The following LDB2 variants were observed in gnomAD, a reference collection of about 807,000 sequenced individuals.
LDB2 encodes the protein LIM domain-binding protein 2.
Under a neutral mutation model 44.3 loss-of-function variants are expected in LDB2, and 12 were observed. The ratio of observed to expected loss-of-function variants is 0.27; its 90% CI spans 0.17 to 0.44. The LOEUF (loss-of-function observed/expected upper bound fraction) is 0.44. Among genes scored for constraint, LDB2 ranks in the 20% least tolerant of loss-of-function variants. The probability of loss-of-function intolerance (pLI) is 1.00; values close to 1 mark genes in which losing one functional copy is unlikely to be tolerated. For synonymous variants in LDB2, 164 were observed against 174.8 expected, an observed-to-expected ratio of 0.94 and a Z score of 0.49; for missense variants, 344 against 473.5, an observed-to-expected ratio of 0.73 and a Z score of 2.54.
chr4:16,522,276 T>TTGTGTGTGCATGTG lies in LDB2; in HGVS notation c.616-10173_616-10172insCACATGCACACACA, dbSNP rs61400788. On this transcript the variant is annotated intron_variant, in intron 5 of 7. Coordinates refer to ENST00000304523, the MANE Select transcript of LDB2 (RefSeq NM_001290.5). ...GATATTCCCCGCCGTGTGTGTGTGTTTGTGTGTGTGTGTGTGTGTGTATGT... is the reference window on the plus strand; with the variant it reads ...GATATTCCCCGCCGTGTGTGTGTGTTTGTGTGTGCATGTGTGTGTGTGTGTGTGTGTGTGTATGT... Among the ~76,000 whole-genome samples, 61 of 150,232 alleles carry TTGTGTGTGCATGTG rather than the reference T, an allele frequency of 4.1e-4. 1 individual carries two copies. The highest frequency in any genetic ancestry group is 4.0e-3 in the Admixed American group (60 of 15,072).
At chr4:16,898,313 A>G in intron 1 of LDB2, 41 bp downstream of exon 1, 1 of 1,594,176 alleles carries the variant, frequency 6.3e-7, no homozygotes, top group Non-Finnish European at 8.6e-7. Flanking sequence ...GCATAGCTTA[A>G]CAAAAATACA....
intron 5 of LDB2, among the ~76,000 whole-genome samples, chr4:16,555,925 C>CCTT: frequency 6.6e-6 from 1 of 152,020 alleles, no homozygotes; most frequent in Non-Finnish European, 1.5e-5. Flanking sequence ...CAGCCATGGC[C>CCTT]CTTCTTCTTC....
At chr4:16,708,118 T>C (rs977125451) in intron 2 of LDB2, among the ~76,000 whole-genome samples, 1 of 152,078 alleles carries the variant, frequency 6.6e-6, no homozygotes, top group African/African-American at 2.4e-5. Context: ...CATCTTTCAC[T>C]GAGAAGCTCA....
intron 2 of LDB2, among the ~76,000 whole-genome samples, chr4:16,704,150 T>C (rs1420217968): frequency 1.3e-5 from 2 of 152,228 alleles, no homozygotes; most frequent in African/African-American, 4.8e-5. Context: ...AGTCTCTTCC[T>C]GTACAAGACC....
intron 5 of LDB2, among the ~76,000 whole-genome samples, chr4:16,517,606 G>A (rs999775038): frequency 4.6e-5 from 7 of 152,116 alleles, no homozygotes; most frequent in Non-Finnish European, 1.0e-4. Context: ...ATCCCAGGAC[G>A]CTGTGGAAAG....
intron 5 of LDB2, among the ~76,000 whole-genome samples, chr4:16,584,883 T>C (rs79597140): frequency 0.11 from 16,849 of 152,236 alleles, 1,023 homozygotes; most frequent in African/African-American, 0.14. Context: ...ACTAAGAATC[T>C]GTCCAAGATC....
chr4:16,822,697 G>C (rs951206194), intron 1 of LDB2, among the ~76,000 whole-genome samples: 3 of 151,884 alleles, frequency 2.0e-5, no homozygotes, highest in African/African-American at 7.3e-5. Context: ...TGTATTTTTA[G>C]TAGACACAGG....
At chr4:16,656,128 C>T (rs986056157) in intron 2 of LDB2, among the ~76,000 whole-genome samples, 9 of 152,042 alleles carry the variant, frequency 5.9e-5, no homozygotes, top group African/African-American at 9.7e-5. Flanking sequence ...TCCCGATCTC[C>T]GGACCTCGTG....
rs530622354 is a variant in LDB2 at position 16,743,728 on chromosome 4, C to T, written c.235+15430G>A. Among the ~76,000 whole-genome samples, 13 of 152,206 alleles carry T rather than the reference C, an allele frequency of 8.5e-5. No homozygotes were observed. In the South Asian group the frequency reaches 1.9e-3, roughly 22 times the overall value. On this transcript the variant is annotated intron_variant, in intron 2 of 7. Coordinates refer to ENST00000304523, the MANE Select transcript of LDB2 (RefSeq NM_001290.5). ...GAAAAAAAAACCCAGAAACCTCCAT[C>T]GTACCACTGCAAAAAAACAAATTCT... is the stretch of plus-strand genomic sequence containing the variant.
intron 1 of LDB2, among the ~76,000 whole-genome samples, chr4:16,778,028 C>A (rs1475151669): frequency 1.3e-5 from 2 of 152,178 alleles, no homozygotes; most frequent in Non-Finnish European, 2.9e-5. Context: ...CTCCCAGAGC[C>A]CTGCGTTTCT....
At position 16,828,964 on chromosome 4, in the gene LDB2, C is replaced by T. The variant is rs1054962497; in HGVS notation, c.132+69390G>A. On this transcript the variant is annotated intron_variant, in intron 1 of 7. Coordinates refer to ENST00000304523, the MANE Select transcript of LDB2 (RefSeq NM_001290.5). ...CCCCAAAAGGCTCAGAACTTGAATG[C>T]GTGGCTGAAGAAGATGGGTGAAGCA... Among the ~76,000 whole-genome samples the T allele has an allele frequency of 5.9e-5, 9 of 152,300 alleles. No individual in the cohort carries two copies. In the East Asian group the frequency reaches 9.7e-4, roughly 16 times the overall value.
At chr4:16,867,297 T>C (rs1046735704) in intron 1 of LDB2, among the ~76,000 whole-genome samples, 2 of 152,082 alleles carry the variant, frequency 1.3e-5, no homozygotes, top group African/African-American at 4.8e-5. Flanking sequence ...TAATACACAA[T>C]CTAATACAAT....
At chr4:16,518,484 G>GTTTT (rs200270859) in intron 5 of LDB2, among the ~76,000 whole-genome samples, 71 of 147,196 alleles carry the variant, frequency 4.8e-4, no homozygotes, top group South Asian at 2.2e-3. Flanking sequence ...TGCTTGTGTT[G>GTTTT]TTTTTTTTTT....
chr4:16,815,117 G>A (rs1780667413), intron 1 of LDB2, among the ~76,000 whole-genome samples: 1 of 152,184 alleles, frequency 6.6e-6, no homozygotes, highest in Non-Finnish European at 1.5e-5. Context: ...ATTTTTAATT[G>A]CAAGTCCAAG....
At chr4:16,869,309 A>AAC (rs1368615360) in intron 1 of LDB2, among the ~76,000 whole-genome samples, 1 of 151,514 alleles carries the variant, frequency 6.6e-6, no homozygotes, top group African/African-American at 2.4e-5. Flanking sequence ...AAGTCATAAA[A>AAC]AAAAAAAAAA....
intron 2 of LDB2, among the ~76,000 whole-genome samples, chr4:16,611,301 C>T (rs951497621): frequency 6.6e-5 from 10 of 152,102 alleles, no homozygotes; most frequent in East Asian, 1.9e-4. Flanking sequence ...AAAGAAACTG[C>T]GTCAACTAGT....
rs2109946616 is a variant in LDB2 at position 16,819,154 on chromosome 4, T to G, written c.133-59894A>C. ...CAGGTCTATGTCATACAAGTGCATTTCTTGCTATAGGTTACAGATAGAAAA... is the reference window on the plus strand; with the variant it reads ...CAGGTCTATGTCATACAAGTGCATTGCTTGCTATAGGTTACAGATAGAAAA... On this transcript the variant is annotated intron_variant, in intron 1 of 7. Transcript: ENST00000304523. 2.0e-5 allele frequency among the ~76,000 whole-genome samples: 3 copies of G among 152,106 alleles called. 1 individual carries two copies. The East Asian group carries it at 5.8e-4, about 29-fold the overall frequency.
chr4:16,668,919 TCTC>T (rs1395651386), intron 2 of LDB2, among the ~76,000 whole-genome samples: 2 of 152,126 alleles, frequency 1.3e-5, no homozygotes, highest in African/African-American at 2.4e-5. Flanking sequence ...AAAAAGAGCT[TCTC>T]TTTTCCAATC....
At chr4:16,817,246 C>T (rs1026366390) in intron 1 of LDB2, among the ~76,000 whole-genome samples, 5 of 152,172 alleles carry the variant, frequency 3.3e-5, no homozygotes, top group East Asian at 3.8e-4. Context: ...TTTCCCAGCT[C>T]GACTTCCTAC....
Sources: allele counts gnomAD v4.1 joint callset (sites outside exome capture counted in the v4.1 genomes callset), GRCh38; gene constraint gnomAD v4.1.1; transcripts MANE v1.5; gene names NCBI Gene and HGNC (gene_info 2026-07-23, HGNC 2026-07-21).